COA8: variants seen among roughly 807,000 people sequenced by gnomAD.
COA8 encodes the protein UPF0671 protein C14orf153.
Under a neutral mutation model 22.0 loss-of-function variants are expected in COA8, and 20 were observed. The ratio of observed to expected loss-of-function variants is 0.91; its 90% confidence interval spans 0.64 to 1.32. The LOEUF (loss-of-function observed/expected upper bound fraction) is 1.32, where lower values mean the gene tolerates loss of function less well. Among genes scored for constraint, COA8 ranks in the 40% most tolerant of loss-of-function variants. The pLI, the probability that COA8 is intolerant of heterozygous loss-of-function variation, is 0.00. For missense variants in COA8, 266 were observed against 230.0 expected, an observed-to-expected ratio of 1.16 and a Z score of -1.01; for synonymous variants, 105 against 79.9, an observed-to-expected ratio of 1.31 and a Z score of -1.68.
At chr14:103,578,934 T>G (rs1566982779) in intron 3 of COA8, among the ~76,000 whole-genome samples, 1 of 152,208 alleles carries the variant, frequency 6.6e-6, no homozygotes, top group Non-Finnish European at 1.5e-5. Flanking sequence ...GGTGCGCGGT[T>G]GCTGTCACAC....
intron 4 of COA8, among the ~76,000 whole-genome samples, 180 bp downstream of exon 4, chr14:103,587,544 C>G (rs1299564299): frequency 2.2e-5 from 3 of 137,224 alleles, no homozygotes; most frequent in South Asian, 2.3e-4. Flanking sequence ...GTTTCGCTCT[C>G]TCGCCCAGGC....
chr14:103,574,011 C>T (rs1273413473), intron 2 of COA8, 96 bp from the exon 3 acceptor site: 6 of 1,408,950 alleles, frequency 4.3e-6, no homozygotes, highest in Non-Finnish European at 4.7e-6. Context: ...CTAAACTTCT[C>T]CAGTACACCG....
intron 1 of COA8, among the ~76,000 whole-genome samples, chr14:103,568,851 C>T (rs1439127124): frequency 1.3e-5 from 2 of 151,968 alleles, no homozygotes; most frequent in Non-Finnish European, 2.9e-5. Flanking sequence ...AGGCTGGTCT[C>T]GAACTCCTGA....
At chr14:103,568,518 TAC>T (rs1299112494) in intron 1 of COA8, among the ~76,000 whole-genome samples, 10 of 150,972 alleles carry the variant, frequency 6.6e-5, no homozygotes, top group African/African-American at 1.2e-4. Context: ...TACATATATA[TAC>T]ACACACATAC....
chr14:103,584,020 A>G (rs4906338), intron 3 of COA8, among the ~76,000 whole-genome samples: 35,856 of 152,152 alleles, frequency 0.24, 5,037 homozygotes, highest in East Asian at 0.35. Context: ...TGGGCATGCC[A>G]TCCTCCCAGC....
rs899705518 is a variant in COA8, at chr14:103,578,046, A to G, written c.385+3876A>G. Among the ~76,000 whole-genome samples the G allele has an allele frequency of 2.9e-4, 43 of 150,026 alleles. 1 individual carries two copies. In the East Asian group the frequency reaches 8.2e-3, roughly 29 times the overall value. On this transcript the variant is annotated intron_variant, in intron 3 of 4. Transcript: ENST00000409074. ...TCTCAAAAAAAAAAAAAAAAAAAAA[A>G]AGCCAAGTTTGGCAGTATGTGTCTG... is the stretch of plus-strand genomic sequence containing the variant.
intron 2 of COA8, among the ~76,000 whole-genome samples, chr14:103,572,194 C>CTAGGTGTT (rs1449867807): frequency 1.3e-5 from 2 of 151,820 alleles, no homozygotes; most frequent in Admixed American, 1.3e-4. Flanking sequence ...CTTGAGGGTG[C>CTAGGTGTT]TAGGTGTTTA....
At chr14:103,565,686 G>A (rs1401479951) in intron 1 of COA8, among the ~76,000 whole-genome samples, 1 of 150,438 alleles carries the variant, frequency 6.6e-6, no homozygotes, top group Non-Finnish European at 1.5e-5. Context: ...CGTGATCTCA[G>A]CTCACTGCAA....
intron 1 of COA8, among the ~76,000 whole-genome samples, chr14:103,570,597 G>A (rs2076175953): frequency 6.6e-6 from 1 of 152,148 alleles, no homozygotes; most frequent in Non-Finnish European, 1.5e-5. Context: ...GCCGGGCGTG[G>A]TGGCATATGC....
chr14:103,575,723 A>G (rs929167917), intron 3 of COA8, among the ~76,000 whole-genome samples: 5 of 152,268 alleles, frequency 3.3e-5, no homozygotes, highest in African/African-American at 4.8e-5. Flanking sequence ...TTCTTGAGTC[A>G]GGGTCTCACT....
intron 3 of COA8, among the ~76,000 whole-genome samples, chr14:103,575,421 C>T (rs888872951): frequency 1.3e-4 from 20 of 152,190 alleles, no homozygotes; most frequent in Admixed American, 1.3e-4. Flanking sequence ...GGAAGGGAAA[C>T]ATACAGGGAG....
intron 4 of COA8, 88 bp downstream of exon 4, chr14:103,587,452 G>T: frequency 3.2e-5 from 21 of 666,582 alleles, no homozygotes; most frequent in South Asian, 2.0e-4. Context: ...CAACATTCAT[G>T]TTTATATCAG....
intron 3 of COA8, among the ~76,000 whole-genome samples, chr14:103,585,145 A>G (rs1007193901): frequency 6.6e-6 from 1 of 150,832 alleles, no homozygotes; most frequent in Admixed American, 6.6e-5. Context: ...CTCTAAATAA[A>G]TAAATAAATA....
chr14:103,569,895 C>T (rs2076169449), intron 1 of COA8, among the ~76,000 whole-genome samples: 2 of 152,246 alleles, frequency 1.3e-5, no homozygotes, highest in East Asian at 1.9e-4. Flanking sequence ...CTCGCTCTGT[C>T]GCCCAGGCTG....
intron 3 of COA8, among the ~76,000 whole-genome samples, chr14:103,580,513 G>T (rs757774080): frequency 1.4e-4 from 21 of 149,362 alleles, no homozygotes; most frequent in Non-Finnish European, 2.7e-4. Flanking sequence ...TTTGTTTTTT[G>T]AAGCGGAGTC....
intron 4 of COA8, among the ~76,000 whole-genome samples, chr14:103,588,717 A>C (rs2076329529): frequency 6.6e-6 from 1 of 151,872 alleles, no homozygotes; most frequent in Admixed American, 6.6e-5. Flanking sequence ...GGTAGTGTGC[A>C]CCTGTAATCC....
chr14:103,569,239 T>C (rs1381546316), intron 1 of COA8, among the ~76,000 whole-genome samples: 1 of 152,068 alleles, frequency 6.6e-6, no homozygotes, highest in Non-Finnish European at 1.5e-5. Context: ...GACATTTTCC[T>C]CCCCCAAGCT....
chr14:103,575,051 T>C (rs1387440902), intron 3 of COA8, among the ~76,000 whole-genome samples: 2 of 152,272 alleles, frequency 1.3e-5, no homozygotes, highest in Admixed American at 6.5e-5. Context: ...GGGAGTCGGA[T>C]TGCAAAGCCT....
chr14:103,574,077 C>G (rs4906337), intron 2 of COA8, 30 bp from the exon 3 acceptor site: 1 of 1,166,146 alleles, frequency 8.6e-7, no homozygotes, highest in Non-Finnish European at 1.2e-6. Context: ...GTTCTGAGAG[C>G]CTTTTTTTTT....
Sources: gnomAD v4.1 joint callset for allele counts (sites outside exome capture counted in the v4.1 genomes callset) on GRCh38, gnomAD v4.1.1 for gene constraint, MANE v1.5 for transcripts, NCBI Gene and HGNC (gene_info 2026-07-23, HGNC 2026-07-21) for gene names.